The following INPP4B variants were observed in gnomAD, a reference collection of about 807,000 sequenced individuals.
The protein encoded by INPP4B is inositol polyphosphate 4-phosphatase type II.
INPP4B carries 55 observed loss-of-function variants against 122.5 expected under a neutral mutation model. The observed-to-expected ratio is 0.45, with a 90% CI of 0.36 to 0.56. The LOEUF (loss-of-function observed/expected upper bound fraction) is 0.56, where lower values mean the gene tolerates loss of function less well. Ranked by LOEUF, INPP4B falls within the 20% of genes least tolerant of loss-of-function variation. The pLI, the probability that INPP4B is intolerant of heterozygous loss-of-function variation, is 0.00. For synonymous variants in INPP4B, 403 were observed against 388.7 expected, an observed-to-expected ratio of 1.04 and a Z score of -0.43; for missense variants, 1,000 against 1,097.7, an observed-to-expected ratio of 0.91 and a Z score of 1.26.
intron 22 of INPP4B, 48 bp from the exon 23 acceptor site, chr4:142,108,238 A>G (rs17383664): frequency 0.13 from 119,528 of 923,914 alleles, 8,618 homozygotes; most frequent in South Asian, 0.19. Flanking sequence ...AACGGTACCA[A>G]AAAGTAACAC....
intron 2 of INPP4B, among the ~76,000 whole-genome samples, chr4:142,624,394 C>T (rs542578300): frequency 2.8e-4 from 43 of 151,476 alleles, no homozygotes; most frequent in Middle Eastern, 3.4e-3. Context: ...TCATGTCCTT[C>T]GCCCACTTTT....
At chr4:142,184,512 G>C (rs995957532) in intron 15 of INPP4B, among the ~76,000 whole-genome samples, 3 of 152,152 alleles carry the variant, frequency 2.0e-5, no homozygotes, top group African/African-American at 7.2e-5. Context: ...TGCAGGCATA[G>C]TCATTGGTTC....
At chr4:142,837,354 C>A (rs578131191) in intron 1 of INPP4B, among the ~76,000 whole-genome samples, 63 of 152,128 alleles carry the variant, frequency 4.1e-4, no homozygotes, top group African/African-American at 1.5e-3. Context: ...CAAATACAGT[C>A]TTGTTACATG....
chr4:142,512,745 G>C (rs1215306578), intron 2 of INPP4B, among the ~76,000 whole-genome samples: 1 of 152,094 alleles, frequency 6.6e-6, no homozygotes, highest in African/African-American at 2.4e-5. Flanking sequence ...AACTCAAAAA[G>C]GTATCTGAAA....
chr4:142,071,623 C>T (rs529984837), intron 25 of INPP4B, among the ~76,000 whole-genome samples: 3 of 152,274 alleles, frequency 2.0e-5, no homozygotes, highest in South Asian at 4.1e-4. Flanking sequence ...CTACAAAGAA[C>T]TTCAGCAAAT....
intron 2 of INPP4B, among the ~76,000 whole-genome samples, chr4:142,612,242 T>A (rs1358148186): frequency 6.6e-6 from 1 of 152,212 alleles, no homozygotes; most frequent in Non-Finnish European, 1.5e-5. Flanking sequence ...AAGTGAGTGA[T>A]CCATACTTTG....
Position 142,775,555 on chromosome 4 carries a change from A to G in INPP4B, c.-253-49654T>C, listed in dbSNP as rs1357556771. Among the ~76,000 whole-genome samples the G allele has an allele frequency of 3.0e-5, 3 of 101,592 alleles. No individual in the cohort carries two copies. In the South Asian group the frequency reaches 1.1e-3, roughly 36 times the overall value. The allele number at this position is 101,592 out of a possible 152,430, so 66.6% of individuals were successfully genotyped here. ...CCTACTCTCCTCTTCCCTTCCTTTTAATGGAGATGGGGTCTCACTGTGTTG... is the reference window on the plus strand; with the variant it reads ...CCTACTCTCCTCTTCCCTTCCTTTTGATGGAGATGGGGTCTCACTGTGTTG... On this transcript the variant is annotated intron_variant, in intron 1 of 25. Transcript: ENST00000262992.
Position 142,028,847 on chromosome 4 carries a change from G to C in INPP4B, c.2710C>G (p.Gln904Glu). ...TAGTACTTGGGGAAAGCCATCAGCT[G>C]TAGCATGTTGAAAGCATACTTTCTG... ...KCRKYAFNML[Q>E]LMAFPKYYRP... Residue 904 changes from glutamine (Q) to glutamate (E), a missense_variant, in exon 26 of 26, where the codon CAG (glutamine) becomes GAG (glutamate). Physicochemically the swap from Gln to Glu is conservative, Grantham distance 29 (BLOSUM62 2). Coordinates refer to ENST00000262992, the MANE Select transcript of INPP4B (RefSeq NM_001101669.3). 6.2e-7 allele frequency: 1 copy of C among 1,613,606 alleles called. No individual in the cohort carries two copies. The highest frequency in any genetic ancestry group is 2.2e-5 in the East Asian group (1 of 44,806).
In INPP4B at chr4:142,546,320, C is replaced by T. The variant is rs567718030; in HGVS notation, c.-190-83594G>A. Among the ~76,000 whole-genome samples the T allele has an allele frequency of 2.6e-5, 4 of 152,196 alleles. No individual in the cohort carries two copies. In the East Asian group the frequency reaches 7.7e-4, roughly 29 times the overall value. ...CCATTGTGTATATGTACCACATTTA[C>T]TTTATTCAGTCTATCATTGATGGGC... On this transcript the variant is annotated intron_variant, in intron 2 of 25. Coordinates refer to ENST00000262992, the MANE Select transcript of INPP4B (RefSeq NM_001101669.3).
intron 1 of INPP4B, among the ~76,000 whole-genome samples, chr4:142,844,122 C>A (rs184510349): frequency 3.6e-4 from 55 of 152,234 alleles, no homozygotes; most frequent in African/African-American, 1.3e-3. Context: ...GAAGCTCAAA[C>A]ACAACATTTT....
intron 2 of INPP4B, among the ~76,000 whole-genome samples, chr4:142,525,140 T>C (rs1484163135): frequency 6.6e-6 from 1 of 150,958 alleles, no homozygotes; most frequent in Non-Finnish European, 1.5e-5. Flanking sequence ...CATTCACAAT[T>C]GCTTCAAAGA....
At chr4:142,776,479 G>A (rs1773938384) in intron 1 of INPP4B, among the ~76,000 whole-genome samples, 1 of 152,140 alleles carries the variant, frequency 6.6e-6, no homozygotes, top group African/African-American at 2.4e-5. Flanking sequence ...TTCCAGAGAA[G>A]CTAATGAAGC....
chr4:142,204,947 A>G (rs1842064182), intron 14 of INPP4B, among the ~76,000 whole-genome samples: 1 of 152,132 alleles, frequency 6.6e-6, no homozygotes, highest in South Asian at 2.1e-4. Flanking sequence ...CTAGAAAACC[A>G]ATACATATCC....
intron 23 of INPP4B, among the ~76,000 whole-genome samples, chr4:142,107,225 T>C (rs970249566): frequency 2.6e-5 from 4 of 152,166 alleles, no homozygotes; most frequent in Admixed American, 2.6e-4. Context: ...TTCATTAGGT[T>C]ATGAAGACAT....
intron 5 of INPP4B, among the ~76,000 whole-genome samples, chr4:142,411,390 T>G (rs1804558026): frequency 6.6e-6 from 1 of 152,198 alleles, no homozygotes; most frequent in Non-Finnish European, 1.5e-5. Context: ...TAATAAAGCT[T>G]CTTTTTCTTG....
chr4:142,747,927 G>A (rs964256079), intron 1 of INPP4B, among the ~76,000 whole-genome samples: 6 of 152,058 alleles, frequency 3.9e-5, no homozygotes, highest in African/African-American at 9.7e-5. Context: ...TGTAGATGAC[G>A]AGTTGATAGG....
In INPP4B at chr4:142,430,697, T is replaced by C. The variant is rs575704774; in HGVS notation, c.91+472A>G. The stretch of plus-strand genomic sequence containing the variant: ...TGGCTCTATATTTGTGGCCTAGTGC[T>C]CTCTGGTATGGCAGTGACAGTCTAA... On this transcript the variant is annotated intron_variant, in intron 4 of 25. Coordinates refer to ENST00000262992, the MANE Select transcript of INPP4B (RefSeq NM_001101669.3). 2.0e-5 allele frequency among the ~76,000 whole-genome samples: 3 copies of C among 152,124 alleles called. No homozygotes were observed. In the South Asian group the frequency reaches 6.2e-4, roughly 31 times the overall value.
intron 2 of INPP4B, among the ~76,000 whole-genome samples, chr4:142,540,518 T>C (rs1480633758): frequency 6.6e-6 from 1 of 152,150 alleles, no homozygotes; most frequent in Non-Finnish European, 1.5e-5. Context: ...CTTACCCTCA[T>C]TTCTCTGTTT....
intron 1 of INPP4B, among the ~76,000 whole-genome samples, chr4:142,751,175 CA>C (rs1406220933): frequency 6.8e-6 from 1 of 146,284 alleles, no homozygotes; most frequent in African/African-American, 2.5e-5. Flanking sequence ...GGGCATTAGT[CA>C]AATGATAAAA....
Sources: allele counts gnomAD v4.1 joint callset (sites outside exome capture counted in the v4.1 genomes callset), GRCh38; gene constraint gnomAD v4.1.1; transcripts MANE v1.5; gene names NCBI Gene and HGNC (gene_info 2026-07-23, HGNC 2026-07-21).